The following LRP1B variants were observed in gnomAD, a reference collection of about 807,000 sequenced individuals.
The protein encoded by LRP1B is low-density lipoprotein receptor-related protein 1B.
Under a neutral mutation model 556.6 loss-of-function variants are expected in LRP1B, and 217 were observed. The ratio of observed to expected loss-of-function variants is 0.39; its 90% CI spans 0.35 to 0.44. LRP1B has a LOEUF of 0.44. Among genes scored for constraint, LRP1B ranks in the 20% least tolerant of loss-of-function variants. LRP1B has a pLI of 1.00. For synonymous variants in LRP1B, 2,047 were observed against 1,865.8 expected (o/e 1.10, Z -2.50); for missense variants, 5,053 against 5,620.8 (o/e 0.90, Z 3.23).
rs914550243 is a variant in LRP1B at position 140,657,213 on chromosome 2, C to A, written c.6799+43037G>T. Among the ~76,000 whole-genome samples the A allele has an allele frequency of 1.4e-4, 21 of 151,428 alleles. 1 individual carries two copies. Among genetic ancestry groups the A allele is most frequent in the Non-Finnish European group, 2.1e-4 (14 of 67,784 alleles). Reference sequence around the variant, plus strand: ...AAACATAAAAGTAAAAAAAAAAATTCTATTTGATTGCTTTATTTCATAATT... The same window carrying A: ...AAACATAAAAGTAAAAAAAAAAATTATATTTGATTGCTTTATTTCATAATT... On this transcript the variant is annotated intron_variant, in intron 41 of 90. Transcript: ENST00000389484.
intron 1 of LRP1B, among the ~76,000 whole-genome samples, chr2:141,990,840 CTT>C (rs995927388): frequency 3.9e-5 from 6 of 152,002 alleles, no homozygotes; most frequent in African/African-American, 1.2e-4. Flanking sequence ...ACCAAAATTT[CTT>C]TTAATAATAG....
Position 141,385,861 on chromosome 2 carries a change from T to A in LRP1B, c.343+94535A>T, listed in dbSNP as rs906117224. 2.6e-5 allele frequency among the ~76,000 whole-genome samples: 4 copies of A among 152,220 alleles called. No homozygotes were observed. In the East Asian group the frequency reaches 7.7e-4, roughly 29 times the overall value. ...TAACAGTTGATGCAGGTCATACTGG[T>A]GCTACTAGGATGCTGCTTAGTTTCT... On this transcript the variant is annotated intron_variant, in intron 3 of 90. Transcript: ENST00000389484.
chr2:141,200,607 C>T (rs1164263782), intron 6 of LRP1B, among the ~76,000 whole-genome samples: 1 of 152,038 alleles, frequency 6.6e-6, no homozygotes, highest in African/African-American at 2.4e-5. Context: ...CCACTTATCC[C>T]CCTATATGTA....
chr2:141,251,952 C>A (rs1684277571), intron 4 of LRP1B, among the ~76,000 whole-genome samples: 1 of 152,016 alleles, frequency 6.6e-6, no homozygotes, highest in Non-Finnish European at 1.5e-5. Flanking sequence ...TTTATCTGTG[C>A]CTGAGCATAC....
chr2:141,100,983 A>C (rs1020368764), intron 7 of LRP1B, among the ~76,000 whole-genome samples: 2 of 152,074 alleles, frequency 1.3e-5, no homozygotes, highest in African/African-American at 4.8e-5. Context: ...CCTTACAAAG[A>C]GAATTGGAGG....
chr2:141,833,445 T>C (rs1367173569), intron 1 of LRP1B, among the ~76,000 whole-genome samples: 2 of 151,840 alleles, frequency 1.3e-5, no homozygotes, highest in Non-Finnish European at 2.9e-5. Flanking sequence ...GAGGAATTAA[T>C]TCCAAATGCA....
intron 3 of LRP1B, among the ~76,000 whole-genome samples, chr2:141,375,035 T>A (rs1347800262): frequency 6.6e-6 from 1 of 152,144 alleles, no homozygotes; most frequent in Non-Finnish European, 1.5e-5. Context: ...AGGGGAAAAT[T>A]TTTTCTCCTG....
chr2:141,002,922 T>C (rs1414289030), intron 15 of LRP1B, among the ~76,000 whole-genome samples: 3 of 152,022 alleles, frequency 2.0e-5, no homozygotes, highest in Non-Finnish European at 4.4e-5. Flanking sequence ...TGGTCAGATA[T>C]GCTAATTTTA....
chr2:141,492,079 G>GAAAAAAAAAAAAAAAAAAAAA (rs1553521014), intron 2 of LRP1B, among the ~76,000 whole-genome samples: 2 of 8,054 alleles, frequency 2.5e-4, no homozygotes, highest in Non-Finnish European at 3.2e-4. Context: ...TTAGCTTTCT[G>GAAAAAAAAAAAAAAAAAAAAA]AAAAAAAAAA....
At chr2:140,623,257 T>C (rs1683521075) in intron 41 of LRP1B, among the ~76,000 whole-genome samples, 1 of 152,212 alleles carries the variant, frequency 6.6e-6, no homozygotes, top group South Asian at 2.1e-4. Context: ...TGCTTGTAAC[T>C]ACCAATTTAT....
chr2:141,397,332 T>C (rs952100852), intron 3 of LRP1B, among the ~76,000 whole-genome samples: 1 of 151,882 alleles, frequency 6.6e-6, no homozygotes, highest in Non-Finnish European at 1.5e-5. Context: ...TATAGTACTG[T>C]GTATAGTATT....
chr2:140,946,517 C>A (rs1053898604), intron 20 of LRP1B, among the ~76,000 whole-genome samples: 1 of 152,016 alleles, frequency 6.6e-6, no homozygotes, highest in African/African-American at 2.4e-5. Flanking sequence ...ATGAGAGTTG[C>A]GTGAACCCAG....
chr2:140,282,376 T>G (rs994262476), intron 84 of LRP1B, among the ~76,000 whole-genome samples: 4 of 151,770 alleles, frequency 2.6e-5, no homozygotes, highest in African/African-American at 9.7e-5. Context: ...CACATAGAGG[T>G]TAAGCAATTG....
At chr2:141,738,094 C>T (rs965985989) in intron 2 of LRP1B, among the ~76,000 whole-genome samples, 1 of 152,106 alleles carries the variant, frequency 6.6e-6, no homozygotes, top group Non-Finnish European at 1.5e-5. Flanking sequence ...ATCCACAGAT[C>T]AGTACTACCT....
chr2:141,740,407 A>C (rs2105539993), intron 2 of LRP1B, among the ~76,000 whole-genome samples: 1 of 152,296 alleles, frequency 6.6e-6, no homozygotes, highest in African/African-American at 2.4e-5. Context: ...CTGGGGCAAA[A>C]GCCAGTGTAC....
At chr2:141,520,976 G>A (rs115089255) in intron 2 of LRP1B, among the ~76,000 whole-genome samples, 240 of 152,096 alleles carry the variant, frequency 1.6e-3, no homozygotes, top group African/African-American at 5.5e-3. Flanking sequence ...AGAAGGAGGG[G>A]TACTTAAAGT....
At chr2:141,453,523 A>G (rs1176290076) in intron 3 of LRP1B, among the ~76,000 whole-genome samples, 1 of 152,160 alleles carries the variant, frequency 6.6e-6, no homozygotes, top group Non-Finnish European at 1.5e-5. Context: ...TATTCAGGTA[A>G]TGTTACTAGG....
chr2:141,540,153 A>G (rs1391931374), intron 2 of LRP1B, among the ~76,000 whole-genome samples: 1 of 152,046 alleles, frequency 6.6e-6, no homozygotes, highest in Non-Finnish European at 1.5e-5. Context: ...CCCTTTTCCT[A>G]TAGATGGAGA....
At chr2:140,715,780 C>T (rs1459634140) in intron 37 of LRP1B, among the ~76,000 whole-genome samples, 193 bp downstream of exon 37, 3 of 152,032 alleles carry the variant, frequency 2.0e-5, no homozygotes, top group Admixed American at 6.6e-5. Context: ...TAAAATAAAT[C>T]TGTAATAAAT....
Sources: allele counts gnomAD v4.1 joint callset (sites outside exome capture counted in the v4.1 genomes callset), GRCh38; gene constraint gnomAD v4.1.1; transcripts MANE v1.5; gene names NCBI Gene and HGNC (gene_info 2026-07-23, HGNC 2026-07-21).